The following OAS2 variants were observed in gnomAD, a reference collection of about 807,000 sequenced individuals.
The protein encoded by OAS2 is 2'-5'-oligoadenylate synthetase 2.
OAS2 carries 67 observed loss-of-function variants against 71.3 expected under a neutral mutation model. The observed-to-expected ratio is 0.94, with a 90% CI of 0.77 to 1.15. The LOEUF (loss-of-function observed/expected upper bound fraction) is 1.15. Among genes scored for constraint, OAS2 ranks in the 50% most tolerant of loss-of-function variants. The probability of loss-of-function intolerance (pLI) is 0.00; values close to 1 mark genes in which losing one functional copy is unlikely to be tolerated. For synonymous variants in OAS2, 327 were observed against 321.8 expected (o/e 1.02, Z -0.17); for missense variants, 789 against 822.5 (o/e 0.96, Z 0.50).
chr12:113,009,076 C>T lies in OAS2; in HGVS notation c.1896-11C>T. ...TTGGAATCTCCTAATGCCTTCTAAC[C>T]TCTCATTCAGGCCTGTGATCTTGGA... On this transcript the variant is annotated splice_polypyrimidine_tract_variant and intron_variant, in intron 9 of 9. Transcript: ENST00000392583. The T allele has an allele frequency of 5.0e-6, 8 of 1,611,088 alleles. No homozygotes were observed. The highest frequency in any genetic ancestry group is 5.9e-6 in the Non-Finnish European group (7 of 1,179,152).
At position 112,987,289 on chromosome 12, in the gene OAS2, G is replaced by T. The variant is rs111979570; in HGVS notation, c.429G>T (p.Leu143=). The part of the protein sequence containing the change: ...TKNQRISFEV[L]AAFNALSLND... ...ATCAGAGAATCTCTTTCGAGGTGCTGGCCGCCTTCAACGCTCTGAGTAAGC... is the reference window on the plus strand; with the variant it reads ...ATCAGAGAATCTCTTTCGAGGTGCTTGCCGCCTTCAACGCTCTGAGTAAGC... The change falls in exon 2 of 10, where the codon CTG becomes CTT. Residue 143 remains leucine, a synonymous_variant. Transcript: ENST00000392583. The T allele has an allele frequency of 5.4e-4, 878 of 1,614,202 alleles. 4 individuals carry two copies. The African/African-American group carries it at 0.01, about 19-fold the overall frequency.
chr12:113,010,427 G>A lies in OAS2; in HGVS notation c.*1172G>A. On this transcript the variant is annotated 3_prime_UTR_variant, in exon 10 of 10. Transcript: ENST00000392583. ...CTAGGATCCATCCTATTGTCAATGA[G>A]ATGTTCTCATCCAGAAGCCATAGAA... is the stretch of plus-strand genomic sequence containing the variant. 6.2e-7 allele frequency: 1 copy of A among 1,613,954 alleles called. No individual in the cohort carries two copies. The highest frequency in any genetic ancestry group is 8.5e-7 in the Non-Finnish European group (1 of 1,179,942).
At chr12:113,005,288 C>G in intron 7 of OAS2, 66 bp downstream of exon 7, 1 of 1,500,318 alleles carries the variant, frequency 6.7e-7, no homozygotes, top group Non-Finnish European at 9.1e-7. Flanking sequence ...AGCCACGTGA[C>G]TTGATTACGG....
intron 5 of OAS2, 152 bp downstream of exon 5, chr12:112,998,562 T>C: frequency 1.1e-6 from 1 of 874,282 alleles, no homozygotes; most frequent in Non-Finnish European, 1.7e-6. Context: ...CACAGAAATT[T>C]ATTCTCTTAC....
rs1164661862 is a variant in OAS2 at position 113,011,064 on chromosome 12, A to G, written c.*1809A>G. 1 of 151,506 alleles carries G rather than the reference A, an allele frequency of 6.6e-6. No individual in the cohort carries two copies. The highest frequency in any genetic ancestry group is 1.5e-5 in the Non-Finnish European group (1 of 67,968). 9.4% of individuals were successfully genotyped at this position (151,506 alleles called of 1,614,324 possible). On this transcript the variant is annotated 3_prime_UTR_variant, in exon 10 of 10. Transcript: ENST00000392583. ...GAGCCTGCCTTTCTCCCCCCCACCC[A>G]GGAGTATCCTCTTGCCAAATCAAAA...
chr12:112,993,359 C>T (rs553232414), intron 2 of OAS2, among the ~76,000 whole-genome samples: 112 of 152,254 alleles, frequency 7.4e-4, no homozygotes, highest in Non-Finnish European at 1.3e-3. Flanking sequence ...ATTGCACTTG[C>T]CAGCTAAGAG....
chr12:113,010,474 G>T lies in OAS2; in HGVS notation c.*1219G>T. The T allele has an allele frequency of 1.2e-6, 2 of 1,613,220 alleles. No individual in the cohort carries two copies. Among genetic ancestry groups the T allele is most frequent in the South Asian group, 2.2e-5 (2 of 90,926 alleles). ...AGAATCCTGAATAATAATTCTAAAA[G>T]AAACTTCTAGAGATCATCTGGCAAT... On this transcript the variant is annotated 3_prime_UTR_variant, in exon 10 of 10. Transcript: ENST00000392583.
intron 2 of OAS2, among the ~76,000 whole-genome samples, chr12:112,993,355 C>T (rs1245697823): frequency 2.6e-5 from 4 of 152,182 alleles, no homozygotes; most frequent in Admixed American, 1.3e-4. Flanking sequence ...TGCAATTGCA[C>T]TTGCCAGCTA....
At chr12:113,006,174 TGTTA>T (rs1451167867) in intron 7 of OAS2, among the ~76,000 whole-genome samples, 1 of 152,198 alleles carries the variant, frequency 6.6e-6, no homozygotes, top group Non-Finnish European at 1.5e-5. Context: ...GTGGCTGCTC[TGTTA>T]GTTTAAGTCT....
intron 2 of OAS2, chr12:112,988,675 T>C (rs572688259): frequency 1.0e-6 from 1 of 985,364 alleles, no homozygotes; most frequent in Non-Finnish European, 1.2e-6. Context: ...ATTCCAATTT[T>C]AATGACAGCT....
intron 2 of OAS2, among the ~76,000 whole-genome samples, chr12:112,993,805 T>G (rs1295577649): frequency 6.6e-6 from 1 of 152,080 alleles, no homozygotes; most frequent in Non-Finnish European, 1.5e-5. Context: ...GAAATATATT[T>G]GAGGGTACAG....
rs1439013556 is a variant in OAS2, at chr12:113,010,341, A to G, written c.*1086A>G. On this transcript the variant is annotated 3_prime_UTR_variant, in exon 10 of 10. Coordinates refer to ENST00000392583, the MANE Select transcript of OAS2 (RefSeq NM_002535.3). Reference sequence around the variant, plus strand: ...AAGCAATGATTGTAACTATTAGGAGACATTGCTCTCCCACGTATGTTTTTC... The same window carrying G: ...AAGCAATGATTGTAACTATTAGGAGGCATTGCTCTCCCACGTATGTTTTTC... 1.2e-6 allele frequency: 2 copies of G among 1,604,084 alleles called. No homozygotes were observed. The highest frequency in any genetic ancestry group is 1.7e-6 in the Non-Finnish European group (2 of 1,176,858).
In OAS2 at chr12:113,009,511, A is replaced by G; in HGVS notation, c.*256A>G. 1 of 1,173,446 alleles carries G rather than the reference A, an allele frequency of 8.5e-7. No individual in the cohort carries two copies. The highest frequency in any genetic ancestry group is 1.1e-6 in the Non-Finnish European group (1 of 950,700). The allele number at this position is 1,173,446 out of a possible 1,614,324, so 72.7% of individuals were successfully genotyped here. A position where few individuals can be genotyped will look rare whatever the true frequency, so the allele number is the denominator to read the frequency against. ...CACTAGCCCTCCTCTCCCAGTGACA[A>G]CCAAAAGTCTTCAGACATTGTCAAA... On this transcript the variant is annotated 3_prime_UTR_variant, in exon 10 of 10. Transcript: ENST00000392583.
At chr12:113,008,234 C>T (rs1047568102) in intron 9 of OAS2, among the ~76,000 whole-genome samples, 8 of 152,262 alleles carry the variant, frequency 5.3e-5, no homozygotes, top group East Asian at 1.9e-4. Flanking sequence ...CTATCATTCA[C>T]GGGCCGATTT....
rs1376742921 is a variant in OAS2 at position 113,009,180 on chromosome 12, G to A, written c.1989G>A (p.Trp663Ter). ...WHLLAKEAKE[W>*]LSSPCFKDGT... ...TTCTGGCAAAAGAAGCAAAGGAATG[G>A]TTATCCTCTCCCTGCTTCAAGGATG... The change falls in exon 10 of 10, where the codon TGG (tryptophan) becomes TGA (stop). Residue 663 changes from tryptophan (W) to a stop codon, truncating the protein, a stop_gained. Coordinates refer to ENST00000392583, the MANE Select transcript of OAS2 (RefSeq NM_002535.3). LOFTEE classifies it low-confidence loss of function (END_TRUNC). The A allele has an allele frequency of 2.5e-6, 4 of 1,613,996 alleles. No individual in the cohort carries two copies. The highest frequency in any genetic ancestry group is 1.1e-5 in the South Asian group (1 of 91,072).
At chr12:113,006,383 AG>A (rs749732645) in intron 7 of OAS2, 29 bp from the exon 8 acceptor site, 2 of 1,505,720 alleles carry the variant, frequency 1.3e-6, no homozygotes, top group South Asian at 2.6e-5. Context: ...TGTGTATTAA[AG>A]CAGGATGTCA....
chr12:113,005,702 AAAATAAATAAAT>A (rs145453265), intron 7 of OAS2, among the ~76,000 whole-genome samples: 48,796 of 146,932 alleles, frequency 0.33, 9,440 homozygotes, highest in Admixed American at 0.44. Context: ...CTTCATCCCA[AAAATAAATAAAT>A]AAATAAATAA....
chr12:113,009,127 G>T lies in OAS2; in HGVS notation c.1936G>T (p.Gly646Cys), dbSNP rs1212768929. The T allele has an allele frequency of 6.2e-7, 1 of 1,613,858 alleles. No individual in the cohort carries two copies. Among genetic ancestry groups the T allele is most frequent in the African/African-American group, 1.3e-5 (1 of 74,904 alleles). The change falls in exon 10 of 10, where the codon GGT becomes TGT. Residue 646 changes from glycine to cysteine, a missense_variant. By Grantham distance (159) the Gly-to-Cys change is radical (BLOSUM62 -3). Coordinates refer to ENST00000392583, the MANE Select transcript of OAS2 (RefSeq NM_002535.3). Reference sequence around the variant, plus strand: ...CCCAGCCGAACCCACAGGTGACGTGGGTGGAGGGGACCGTTGGTGTTGGCA... The same window carrying T: ...CCCAGCCGAACCCACAGGTGACGTGTGTGGAGGGGACCGTTGGTGTTGGCA... Reference protein sequence around the residue: ...LDPAEPTGDVGGGDRWCWHLL... With the variant: ...LDPAEPTGDVCGGDRWCWHLL...
intron 2 of OAS2, among the ~76,000 whole-genome samples, chr12:112,989,917 G>A (rs1170292225): frequency 6.6e-6 from 1 of 152,156 alleles, no homozygotes; most frequent in Admixed American, 6.5e-5. Context: ...AGTCCTGCCA[G>A]TTCTGCCTAA....
Sources: allele counts gnomAD v4.1 joint callset (sites outside exome capture counted in the v4.1 genomes callset), GRCh38; gene constraint gnomAD v4.1.1; transcripts MANE v1.5; gene names NCBI Gene and HGNC (gene_info 2026-07-23, HGNC 2026-07-21).